The following ABCC4 variants were observed in gnomAD, a reference collection of about 807,000 sequenced individuals.
ABCC4 encodes ATP-binding cassette sub-family C member 4.
ABCC4 carries 102 observed loss-of-function variants against 168.5 expected under a neutral mutation model. The observed-to-expected ratio is 0.61, with a 90% CI of 0.52 to 0.71. The LOEUF is 0.71. ABCC4 is among the 30% of genes least tolerant of loss of function. ABCC4 has a pLI of 0.00. For synonymous variants in ABCC4, 617 were observed against 590.7 expected (o/e 1.04, Z -0.65); for missense variants, 1,402 against 1,605.8 (o/e 0.87, Z 2.17).
intron 1 of ABCC4, among the ~76,000 whole-genome samples, chr13:95,273,121 C>T (rs1293075544): frequency 6.6e-6 from 1 of 152,130 alleles, no homozygotes; most frequent in Non-Finnish European, 1.5e-5. Flanking sequence ...TATCCTAATT[C>T]AAAGAGCAAT....
At chr13:95,180,357 C>T (rs773883796) in intron 11 of ABCC4, among the ~76,000 whole-genome samples, 17 of 152,056 alleles carry the variant, frequency 1.1e-4, no homozygotes, top group Non-Finnish European at 2.1e-4. Flanking sequence ...AGTTCAAGAC[C>T]AGCCTGGCCA....
At chr13:95,150,474 T>C (rs2036638322) in intron 19 of ABCC4, among the ~76,000 whole-genome samples, 1 of 152,028 alleles carries the variant, frequency 6.6e-6, no homozygotes, top group African/African-American at 2.4e-5. Flanking sequence ...AAATGTCCTG[T>C]TTTTTTCCTC....
chr13:95,220,257 C>A (rs573950474), intron 4 of ABCC4, among the ~76,000 whole-genome samples: 1 of 152,154 alleles, frequency 6.6e-6, no homozygotes, highest in Non-Finnish European at 1.5e-5. Flanking sequence ...CATGTGCCGT[C>A]TTTAAGACTA....
rs184166403 is a variant in ABCC4, at chr13:95,273,908, C to T, written c.75-26155G>A. Among the ~76,000 whole-genome samples, 9 of 151,624 alleles carry T rather than the reference C, an allele frequency of 5.9e-5. 1 individual carries two copies. The highest frequency in any genetic ancestry group is 2.2e-4 in the African/African-American group (9 of 41,316). On this transcript the variant is annotated intron_variant, in intron 1 of 30. Transcript: ENST00000645237. ...TAGGCTCACTGCAGGCTCCGCCCCC[C>T]GGGGTTCACGCGATATCTGATGCTT...
At chr13:95,282,785 G>A (rs1163135137) in intron 1 of ABCC4, among the ~76,000 whole-genome samples, 2 of 151,632 alleles carry the variant, frequency 1.3e-5, no homozygotes, top group South Asian at 2.1e-4. Context: ...TGCCCACCTT[G>A]GCCTCCCAAA....
At chr13:95,225,968 TA>T (rs11414379) in intron 4 of ABCC4, among the ~76,000 whole-genome samples, 14 of 117,776 alleles carry the variant, frequency 1.2e-4, no homozygotes, top group Admixed American at 1.9e-4. Flanking sequence ...CATCTCCACT[TA>T]AAAAAAAAAA....
At chr13:95,184,994 T>C (rs2038012314) in intron 11 of ABCC4, among the ~76,000 whole-genome samples, 1 of 152,188 alleles carries the variant, frequency 6.6e-6, no homozygotes, top group Non-Finnish European at 1.5e-5. Context: ...TTCTCTAAAA[T>C]GGATCTTCAG....
intron 20 of ABCC4, among the ~76,000 whole-genome samples, chr13:95,104,572 T>C (rs1451711003): frequency 2.0e-5 from 3 of 152,248 alleles, no homozygotes; most frequent in Non-Finnish European, 2.9e-5. Context: ...CATAATTTGT[T>C]AACAATTTTT....
intron 4 of ABCC4, among the ~76,000 whole-genome samples, chr13:95,232,506 G>A (rs1224922960): frequency 3.3e-5 from 5 of 151,878 alleles, no homozygotes; most frequent in East Asian, 3.9e-4. Flanking sequence ...GTGACACCAC[G>A]TCTCTACTAA....
chr13:95,251,658 G>T (rs933986029), intron 1 of ABCC4, among the ~76,000 whole-genome samples: 2 of 152,202 alleles, frequency 1.3e-5, no homozygotes, highest in Non-Finnish European at 2.9e-5. Flanking sequence ...GGATCCAGGA[G>T]GTAAGCGAGA....
At chr13:95,029,018 A>T (rs2031679819) in intron 30 of ABCC4, among the ~76,000 whole-genome samples, 1 of 151,794 alleles carries the variant, frequency 6.6e-6, no homozygotes, top group South Asian at 2.1e-4. Context: ...ATACAAAAAA[A>T]TTAGCCAGGC....
intron 1 of ABCC4, among the ~76,000 whole-genome samples, chr13:95,287,544 G>A (rs1412444761): frequency 5.3e-5 from 8 of 151,552 alleles, no homozygotes; most frequent in Non-Finnish European, 8.8e-5. Flanking sequence ...CCAAGATCAC[G>A]CCATTGCACT....
At chr13:95,249,465 G>A (rs759490108) in intron 1 of ABCC4, among the ~76,000 whole-genome samples, 12 of 152,128 alleles carry the variant, frequency 7.9e-5, no homozygotes, top group Non-Finnish European at 1.5e-4. Context: ...TCAATGCCCC[G>A]TAAGATTGGA....
intron 11 of ABCC4, among the ~76,000 whole-genome samples, chr13:95,182,085 G>A (rs183199393): frequency 1.9e-4 from 29 of 152,158 alleles, no homozygotes; most frequent in East Asian, 1.7e-3. Context: ...CCACCACGCC[G>A]GGCCCTCAGC....
chr13:95,179,585 T>C (rs2037822728), intron 11 of ABCC4, among the ~76,000 whole-genome samples: 1 of 152,248 alleles, frequency 6.6e-6, no homozygotes, highest in Admixed American at 6.5e-5. Flanking sequence ...AGGTTTAAGT[T>C]ACAGGACATT....
At chr13:95,130,877 C>T (rs2035935362) in intron 19 of ABCC4, among the ~76,000 whole-genome samples, 1 of 152,130 alleles carries the variant, frequency 6.6e-6, no homozygotes. Flanking sequence ...GCCATGTAAA[C>T]TGCTATATGG....
At chr13:95,113,950 T>C (rs1299858454) in intron 20 of ABCC4, among the ~76,000 whole-genome samples, 3 of 152,232 alleles carry the variant, frequency 2.0e-5, no homozygotes, top group East Asian at 3.8e-4. Context: ...TATTTCTTCC[T>C]GAAGGGATTA....
chr13:95,176,264 G>C (rs2037697749), intron 13 of ABCC4, among the ~76,000 whole-genome samples: 1 of 128,006 alleles, frequency 7.8e-6, no homozygotes, highest in Non-Finnish European at 1.6e-5. Context: ...TTGAGCCCAG[G>C]AGTTCGAGAC....
rs374084085 is a variant in ABCC4 at position 95,020,857 on chromosome 13, AG to A, written c.*717del. On this transcript the variant is annotated 3_prime_UTR_variant, in exon 31 of 31. Coordinates refer to ENST00000645237, the MANE Select transcript of ABCC4 (RefSeq NM_005845.5). ...TGTCCAAGTCATGCAACTCTAAAGG[AG>A]GATGGACGGTCACATTTGTGTCCTT... 12 of 152,562 alleles carry A rather than the reference AG, an allele frequency of 7.9e-5. 1 individual carries two copies. Among genetic ancestry groups the A allele is most frequent in the African/African-American group, 2.4e-4 (10 of 41,578 alleles). The allele number at this position is 152,562 out of a possible 1,614,324, so 9.5% of individuals were successfully genotyped here. A position where few individuals can be genotyped will look rare whatever the true frequency, so the allele number is the denominator to read the frequency against.
Sources: allele counts gnomAD v4.1 joint callset (sites outside exome capture counted in the v4.1 genomes callset), GRCh38; gene constraint gnomAD v4.1.1; transcripts MANE v1.5; gene names NCBI Gene and HGNC (gene_info 2026-07-23, HGNC 2026-07-21).